The following CNTN5 variants were observed in gnomAD, a reference collection of about 807,000 sequenced individuals.
CNTN5 encodes contactin 5, also known as contactin-5.
Under a neutral mutation model 129.1 loss-of-function variants are expected in CNTN5, and 77 were observed. The observed-to-expected ratio is 0.60, with a 90% CI of 0.50 to 0.72. The LOEUF (loss-of-function observed/expected upper bound fraction) is 0.72. CNTN5 is among the 30% of genes least tolerant of loss of function. The pLI is 0.00. For synonymous variants in CNTN5, 509 were observed against 465.6 expected (o/e 1.09, Z -1.20); for missense variants, 1,478 against 1,328.8 (o/e 1.11, Z -1.75).
At chr11:99,229,348 G>A (rs1003571633) in intron 1 of CNTN5, among the ~76,000 whole-genome samples, 18 of 152,000 alleles carry the variant, frequency 1.2e-4, no homozygotes, top group Non-Finnish European at 2.6e-4. Flanking sequence ...TGGTCTTTAA[G>A]TCACTTTTCT....
intron 1 of CNTN5, among the ~76,000 whole-genome samples, chr11:99,085,811 T>C (rs1205782729): frequency 6.6e-6 from 1 of 152,198 alleles, no homozygotes; most frequent in African/African-American, 2.4e-5. Context: ...TCCCATAAAA[T>C]TCTAGTGGAG....
chr11:100,295,682 T>A (rs926558117), intron 18 of CNTN5, among the ~76,000 whole-genome samples: 1 of 151,416 alleles, frequency 6.6e-6, no homozygotes, highest in Non-Finnish European at 1.5e-5. Flanking sequence ...AGCATCCTTT[T>A]TTTTTAGATG....
At position 100,002,626 on chromosome 11, in the gene CNTN5, A is replaced by G. The variant is rs7944132; in HGVS notation, c.980+490A>G. 2.8e-3 allele frequency among the ~76,000 whole-genome samples: 421 copies of G among 152,258 alleles called. 3 individuals carry two copies. Among genetic ancestry groups the G allele is most frequent in the African/African-American group, 9.0e-3 (375 of 41,570 alleles). On this transcript the variant is annotated intron_variant, in intron 9 of 24. Transcript: ENST00000524871. ...CATAACTTAATAGCACCAGCTGTCA[A>G]TATGTACAACATGTAATCATTTCCC...
At chr11:100,025,657 C>T (rs773678002) in intron 9 of CNTN5, among the ~76,000 whole-genome samples, 2 of 152,190 alleles carry the variant, frequency 1.3e-5, no homozygotes, top group Non-Finnish European at 2.9e-5. Context: ...TGGGAACCCA[C>T]CTTTTGCTTC....
chr11:99,923,761 ATCT>A (rs1333127283), intron 7 of CNTN5, among the ~76,000 whole-genome samples: 1 of 85,904 alleles, frequency 1.2e-5, no homozygotes, highest in African/African-American at 4.9e-5. Flanking sequence ...CTGTCTGTCT[ATCT>A]ATCTATCTAT....
At chr11:99,759,846 G>A (rs527528321) in intron 3 of CNTN5, among the ~76,000 whole-genome samples, 1 of 152,164 alleles carries the variant, frequency 6.6e-6, no homozygotes, top group Admixed American at 6.6e-5. Context: ...AAAATTGGTT[G>A]GCTATTGGAA....
intron 9 of CNTN5, among the ~76,000 whole-genome samples, chr11:100,043,202 C>T (rs926153192): frequency 1.3e-5 from 2 of 152,128 alleles, no homozygotes; most frequent in African/African-American, 4.8e-5. Flanking sequence ...TCAAATCAGC[C>T]ATTTGAAAAC....
chr11:99,480,477 C>T (rs1024296078), intron 2 of CNTN5, among the ~76,000 whole-genome samples: 3 of 152,088 alleles, frequency 2.0e-5, no homozygotes, highest in Non-Finnish European at 4.4e-5. Flanking sequence ...TATTGTAAGG[C>T]TTAAATGACT....
At chr11:99,734,907 C>T (rs1397267895) in intron 3 of CNTN5, among the ~76,000 whole-genome samples, 2 of 152,198 alleles carry the variant, frequency 1.3e-5, no homozygotes, top group Admixed American at 1.3e-4. Flanking sequence ...ACTAGGGAGG[C>T]TGAGGCAAGA....
In CNTN5 at chr11:99,750,546, T is replaced by TA. The variant is rs148259432; in HGVS notation, c.56-68988dup. Among the ~76,000 whole-genome samples the TA allele has an allele frequency of 7.8e-3, 1,108 of 142,478 alleles. 23 individuals are homozygous for TA. Among genetic ancestry groups the TA allele is most frequent in the African/African-American group, 0.025 (962 of 38,850 alleles). The allele number at this position is 142,478 out of a possible 152,430, so 93.5% of individuals were successfully genotyped here. On this transcript the variant is annotated intron_variant, in intron 3 of 24. Coordinates refer to ENST00000524871, the MANE Select transcript of CNTN5 (RefSeq NM_014361.4). ...AGAGCTAAGATAGAAGAGTGGTAGC[T>TA]AAAAAAAAAAGCTACCACTCTTACC...
intron 16 of CNTN5, among the ~76,000 whole-genome samples, chr11:100,234,366 T>A (rs1949557064): frequency 6.6e-6 from 1 of 152,106 alleles, no homozygotes; most frequent in South Asian, 2.1e-4. Context: ...GCAGCACTAG[T>A]CACAATTGCA....
At chr11:99,506,584 A>C (rs1200330435) in intron 2 of CNTN5, among the ~76,000 whole-genome samples, 2 of 120,896 alleles carry the variant, frequency 1.7e-5, no homozygotes, top group African/African-American at 6.3e-5. Flanking sequence ...AAAAAATTAT[A>C]GTGTTTGTAT....
chr11:99,942,196 T>G (rs1021044704), intron 7 of CNTN5, among the ~76,000 whole-genome samples: 2 of 152,102 alleles, frequency 1.3e-5, no homozygotes, highest in Non-Finnish European at 2.9e-5. Context: ...ATGCCACGTT[T>G]GCACAGTAAG....
intron 2 of CNTN5, among the ~76,000 whole-genome samples, chr11:99,422,275 G>A (rs1942922525): frequency 6.6e-6 from 1 of 151,766 alleles, no homozygotes; most frequent in African/African-American, 2.4e-5. Context: ...TTTGTTTTTT[G>A]AAGTGAAAAG....
Position 100,357,222 on chromosome 11 carries a change from TAACA to T in CNTN5, c.*1005_*1008del, listed in dbSNP as rs1318122464. On this transcript the variant is annotated 3_prime_UTR_variant, in exon 25 of 25. Transcript: ENST00000524871. Reference sequence around the variant, plus strand: ...TCTGTAGATTAAAATGGTTCAAGTATAACAAATAAGTTTTGATTTTTAAAAACAG... The same window carrying T: ...TCTGTAGATTAAAATGGTTCAAGTATAATAAGTTTTGATTTTTAAAAACAG... The T allele has an allele frequency of 2.0e-5, 3 of 151,906 alleles. No individual in the cohort carries two copies. The highest frequency in any genetic ancestry group is 4.4e-5 in the Non-Finnish European group (3 of 67,766). The allele number at this position is 151,906 out of a possible 1,614,324, so 9.4% of individuals were successfully genotyped here.
intron 15 of CNTN5, among the ~76,000 whole-genome samples, chr11:100,216,549 G>A (rs535880432): frequency 6.6e-6 from 1 of 151,742 alleles, no homozygotes; most frequent in South Asian, 2.1e-4. Context: ...GTCAGTTGTG[G>A]GTCACATATT....
intron 13 of CNTN5, among the ~76,000 whole-genome samples, chr11:100,089,919 G>A (rs969153815): frequency 6.6e-6 from 1 of 151,966 alleles, no homozygotes; most frequent in Admixed American, 6.6e-5. Flanking sequence ...GGAGAGAATT[G>A]GGAAAAGTAG....
intron 2 of CNTN5, among the ~76,000 whole-genome samples, chr11:99,427,814 A>G (rs987294975): frequency 2.7e-5 from 4 of 149,308 alleles, no homozygotes; most frequent in Non-Finnish European, 4.5e-5. Flanking sequence ...TTATAATTCT[A>G]TTAAGAACAA....
At chr11:100,025,144 G>A (rs1307047253) in intron 9 of CNTN5, among the ~76,000 whole-genome samples, 1 of 152,216 alleles carries the variant, frequency 6.6e-6, no homozygotes, top group Non-Finnish European at 1.5e-5. Context: ...CCAGAGCCAT[G>A]CTGCTTTGTG....
Sources: gnomAD v4.1 joint callset for allele counts (sites outside exome capture counted in the v4.1 genomes callset) on GRCh38, gnomAD v4.1.1 for gene constraint, MANE v1.5 for transcripts, NCBI Gene and HGNC (gene_info 2026-07-23, HGNC 2026-07-21) for gene names.